Variants in KAT8 observed in about 807,000 individuals in gnomAD.
The protein encoded by KAT8 is lysine acetyltransferase 8.
In KAT8, 40 loss-of-function variants were observed where a neutral mutation model predicts 62.9. The ratio of observed to expected loss-of-function variants is 0.64; its 90% CI spans 0.49 to 0.83. The LOEUF (loss-of-function observed/expected upper bound fraction) is 0.83, where lower values mean the gene tolerates loss of function less well. KAT8 is among the 40% of genes least tolerant of loss of function. KAT8 has a pLI of 0.00. For missense variants in KAT8, 387 were observed against 614.8 expected, an observed-to-expected ratio of 0.63 and a Z score of 3.92; for synonymous variants, 278 against 254.5, an observed-to-expected ratio of 1.09 and a Z score of -0.88.
At chr16:31,118,657 TTCTC>T (rs1455189527) in intron 1 of KAT8, 1 of 152,218 alleles carries the variant, frequency 6.6e-6, no homozygotes, top group East Asian at 1.9e-4. Context: ...TGTTGTAATT[TTCTC>T]TCTCTGTCTT....
chr16:31,127,138 A>T, intron 4 of KAT8, 50 bp downstream of exon 4: 1 of 1,613,964 alleles, frequency 6.2e-7, no homozygotes, highest in Non-Finnish European at 8.5e-7. Context: ...CCCCTTGCCG[A>T]GGAGCCCCTG....
chr16:31,122,686 C>G (rs150789612), intron 3 of KAT8: 1 of 151,828 alleles, frequency 6.6e-6, no homozygotes, highest in Non-Finnish European at 1.5e-5. Flanking sequence ...GAGACCATCC[C>G]GGCTAACATG....
Position 31,131,219 on chromosome 16 carries a change from C to T in KAT8, c.1337C>T (p.Ala446Val). The T allele has an allele frequency of 6.2e-7, 1 of 1,614,134 alleles. No individual in the cohort carries two copies. The highest frequency in any genetic ancestry group is 1.1e-5 in the South Asian group (1 of 91,074). ...ITVDSVCLKW[A>V]PPKHKQVKLS... Reference sequence around the variant, plus strand: ...GTGGACTCCGTCTGCCTCAAGTGGGCACCCCCCAAGCACAAGCAAGTCAAG... The same window carrying T: ...GTGGACTCCGTCTGCCTCAAGTGGGTACCCCCCAAGCACAAGCAAGTCAAG... Residue 446 changes from alanine to valine, a missense_variant, in exon 11 of 11, where the codon GCA becomes GTA. By Grantham distance (64) the Ala-to-Val change is moderately conservative. Around this residue, in one of 6 missense-constraint regions of KAT8, gnomAD observed 75 missense variants for 105.7 expected, o/e 0.71. Transcript: ENST00000219797.
At chr16:31,121,550 C>T (rs1454580923) in intron 3 of KAT8, among the ~76,000 whole-genome samples, 2 of 152,050 alleles carry the variant, frequency 1.3e-5, no homozygotes. Context: ...AATTGTGCTA[C>T]CTCAGAGCCA....
chr16:31,127,763 G>A (rs995260668), intron 5 of KAT8, among the ~76,000 whole-genome samples: 1 of 152,206 alleles, frequency 6.6e-6, no homozygotes, highest in Non-Finnish European at 1.5e-5. Context: ...AAGCGAATAG[G>A]TGTGGTTTAG....
rs1387534400 is a variant in KAT8, at chr16:31,117,887, C to G, written c.206C>G (p.Thr69Ser). ...TACCTGTGCCGGCGACCGGATAGCA[C>G]CTGGCGTGAGGGCGGGGCCCAGGGC... ...ETYLCRRPDS[T>S]WHSAEVIQSR... Residue 69 changes from threonine (T) to serine (S), a missense_variant, in exon 1 of 11, where the codon ACC (threonine) becomes AGC (serine). Physicochemically the swap from Thr to Ser is moderately conservative, Grantham distance 58 (BLOSUM62 1). Around this residue, in one of 6 missense-constraint regions of KAT8, gnomAD observed 69 missense variants for 127.0 expected, o/e 0.54. Transcript: ENST00000219797. The G allele has an allele frequency of 7.3e-7, 1 of 1,368,690 alleles. No individual in the cohort carries two copies. Among genetic ancestry groups the G allele is most frequent in the African/African-American group, 1.5e-5 (1 of 65,622 alleles). 84.8% of individuals were successfully genotyped at this position (1,368,690 alleles called of 1,614,324 possible). A position where few individuals can be genotyped will look rare whatever the true frequency, so the allele number is the denominator to read the frequency against.
rs537052315 is a variant in KAT8, at chr16:31,124,788, A to G, written c.463-2247A>G. On this transcript the variant is annotated intron_variant, in intron 3 of 10. Coordinates refer to ENST00000219797, the MANE Select transcript of KAT8 (RefSeq NM_032188.3). ...ATGCCTGTAATCCCAGCACTTTGAGAGGCCAAGGTGGGTGGATCATCTGAA... is the reference window on the plus strand; with the variant it reads ...ATGCCTGTAATCCCAGCACTTTGAGGGGCCAAGGTGGGTGGATCATCTGAA... Among the ~76,000 whole-genome samples the G allele has an allele frequency of 9.5e-4, 141 of 148,584 alleles. 2 individuals are homozygous for G. Among genetic ancestry groups the G allele is most frequent in the African/African-American group, 3.4e-3 (138 of 40,420 alleles).
At chr16:31,129,241 C>G (rs2057554616) in intron 6 of KAT8, among the ~76,000 whole-genome samples, 1 of 152,180 alleles carries the variant, frequency 6.6e-6, no homozygotes, top group Non-Finnish European at 1.5e-5. Context: ...GCTTGATTAG[C>G]CTTGGACTCG....
Position 31,128,119 on chromosome 16 carries a change from G to A in KAT8, c.751G>A (p.Val251Ile). The A allele has an allele frequency of 1.2e-6, 2 of 1,614,064 alleles. No individual in the cohort carries two copies. The highest frequency in any genetic ancestry group is 8.5e-7 in the Non-Finnish European group (1 of 1,179,966). The change falls in exon 6 of 11, where the codon GTT becomes ATT. Residue 251 changes from valine (V) to isoleucine (I), a missense_variant. This residue lies in a region of KAT8 where 141 missense variants were observed against 222.5 expected (regional missense o/e 0.63). Coordinates refer to ENST00000219797, the MANE Select transcript of KAT8 (RefSeq NM_032188.3). ...CAAGAGCAACATCTCCGTGTACGAA[G>A]TTGATGGCAAAGACCATAAGGTGAG... ...YRKSNISVYE[V>I]DGKDHKIYCQ...
chr16:31,118,755 T>A (rs931948748), intron 1 of KAT8: 1 of 152,218 alleles, frequency 6.6e-6, no homozygotes, highest in Admixed American at 6.6e-5. Flanking sequence ...CAACACAGCA[T>A]AGGGCCAGAC....
At position 31,117,705 on chromosome 16, in the gene KAT8, G is replaced by C; in HGVS notation, c.24G>C (p.Ala8=). Reference sequence around the variant, plus strand: ...CGATGGCGGCACAGGGAGCTGCTGCGGCGGTTGCGGCGGGGACTTCAGGGG... The same window carrying C: ...CGATGGCGGCACAGGGAGCTGCTGCCGCGGTTGCGGCGGGGACTTCAGGGG... MAAQGAA[A]AVAAGTSGVA... The change falls in exon 1 of 11, where the codon GCG becomes GCC. Residue 8 remains alanine (A), a synonymous_variant. Transcript: ENST00000219797. The C allele has an allele frequency of 7.2e-7, 1 of 1,398,290 alleles. No homozygotes were observed. Among genetic ancestry groups the C allele is most frequent in the Non-Finnish European group, 9.3e-7 (1 of 1,071,188 alleles). The allele number at this position is 1,398,290 out of a possible 1,614,324, so 86.6% of individuals were successfully genotyped here.
chr16:31,124,645 A>G (rs776857429), intron 3 of KAT8, among the ~76,000 whole-genome samples: 3 of 150,606 alleles, frequency 2.0e-5, no homozygotes, highest in Non-Finnish European at 4.4e-5. Flanking sequence ...GGGCAGGAGA[A>G]TCGCTTGAAC....
chr16:31,122,402 C>G (rs1227154598), intron 3 of KAT8: 1 of 152,174 alleles, frequency 6.6e-6, no homozygotes, highest in Non-Finnish European at 1.5e-5. Context: ...GCCAAGTGTA[C>G]TTCCTACTGT....
At chr16:31,123,767 C>G (rs2057514817) in intron 3 of KAT8, 1 of 152,240 alleles carries the variant, frequency 6.6e-6, no homozygotes, top group Non-Finnish European at 1.5e-5. Context: ...CCACCTCGGC[C>G]TCTCAAAGTG....
intron 1 of KAT8, 117 bp from the exon 2 acceptor site, chr16:31,120,069 G>C: frequency 1.3e-6 from 1 of 783,072 alleles, no homozygotes; most frequent in Non-Finnish European, 2.2e-6. Flanking sequence ...TGGCAGAGGT[G>C]GACCAGTGAG....
In KAT8 at chr16:31,127,031, C is replaced by G. The variant is rs369109923; in HGVS notation, c.463-4C>G. 782 of 1,614,124 alleles carry G rather than the reference C, an allele frequency of 4.8e-4. 3 individuals carry two copies. Among genetic ancestry groups the G allele is most frequent in the South Asian group, 7.0e-4 (64 of 91,084 alleles). On this transcript the variant is annotated splice_region_variant and splice_polypyrimidine_tract_variant and intron_variant, in intron 3 of 10. Coordinates refer to ENST00000219797, the MANE Select transcript of KAT8 (RefSeq NM_032188.3). The stretch of plus-strand genomic sequence containing the variant: ...CCTCTGCCCACTTTTCTTTCCTGGC[C>G]CAGACTTATGCAGAGATGGACCCCA...
intron 3 of KAT8, chr16:31,126,801 A>C: frequency 1.8e-6 from 1 of 552,614 alleles, no homozygotes; most frequent in Non-Finnish European, 3.2e-6. Context: ...CAAAAGGTCC[A>C]AACTTGGACA....
rs375027660 is a variant in KAT8 at position 31,128,771 on chromosome 16, G to C, written c.771+632G>C. ...GAAAGGTGTTTGTTTTTGCCTGGGA[G>C]GGGACTGCTTTGTGTGAAATTTCCT... On this transcript the variant is annotated intron_variant, in intron 6 of 10. Coordinates refer to ENST00000219797, the MANE Select transcript of KAT8 (RefSeq NM_032188.3). 5.9e-5 allele frequency among the ~76,000 whole-genome samples: 9 copies of C among 152,352 alleles called. No individual in the cohort carries two copies. In the East Asian group the frequency reaches 1.7e-3, roughly 29 times the overall value.
At position 31,128,066 on chromosome 16, in the gene KAT8, G is replaced by A. The variant is rs1404967396; in HGVS notation, c.698G>A (p.Arg233Gln). 9.3e-6 allele frequency: 15 copies of A among 1,613,852 alleles called. No homozygotes were observed. Among genetic ancestry groups the A allele is most frequent in the South Asian group, 3.3e-5 (3 of 91,066 alleles). Residue 233 changes from arginine to glutamine, a missense_variant, in exon 6 of 11, where the codon CGG becomes CAG. Arg to Gln is a conservative substitution (Grantham distance 43, BLOSUM62 1). This residue lies in a region of KAT8 where 141 missense variants were observed against 222.5 expected (regional missense o/e 0.63). Transcript: ENST00000219797. ...YRFHLGQCQW[R>Q]QPPGKEIYRK... ...CCCGACCAGGGTCAGTGCCAGTGGC[G>A]GCAGCCCCCCGGGAAAGAGATCTAC... is the stretch of plus-strand genomic sequence containing the variant.
Sources: allele counts gnomAD v4.1 joint callset (sites outside exome capture counted in the v4.1 genomes callset), GRCh38; gene constraint gnomAD v4.1.1; regional missense constraint gnomAD v4.1.1; transcripts MANE v1.5; gene names NCBI Gene and HGNC (gene_info 2026-07-23, HGNC 2026-07-21).